Variants in DAB1 observed in about 807,000 individuals in gnomAD.
DAB1 encodes the protein DAB adaptor protein 1, also known as disabled homolog 1.
In DAB1, 15 loss-of-function variants were observed where a neutral mutation model predicts 64.6. The observed-to-expected ratio is 0.23, with a 90% CI of 0.16 to 0.36. The LOEUF (loss-of-function observed/expected upper bound fraction) is 0.36, where lower values mean the gene tolerates loss of function less well. Ranked by LOEUF, DAB1 falls within the 10% of genes least tolerant of loss-of-function variation. The pLI, the probability that DAB1 is intolerant of heterozygous loss-of-function variation, is 1.00. For synonymous variants in DAB1, 235 were observed against 251.9 expected (o/e 0.93, Z 0.64); for missense variants, 596 against 706.7 (o/e 0.84, Z 1.78).
intron 1 of DAB1, among the ~76,000 whole-genome samples, chr1:57,385,541 C>A (rs1288493716): frequency 6.6e-6 from 1 of 152,126 alleles, no homozygotes; most frequent in Non-Finnish European, 1.5e-5. Flanking sequence ...TGAGACATAG[C>A]CCCTGCCTTG....
chr1:56,996,490 A>G lies in DAB1; in HGVS notation c.*1654T>C, dbSNP rs926979519. 6.6e-6 allele frequency: 1 copy of G among 152,202 alleles called. No homozygotes were observed. Among genetic ancestry groups the G allele is most frequent in the Admixed American group, 6.6e-5 (1 of 15,262 alleles). 9.4% of individuals were successfully genotyped at this position (152,202 alleles called of 1,614,324 possible). A position where few individuals can be genotyped will look rare whatever the true frequency, so the allele number is the denominator to read the frequency against. On this transcript the variant is annotated 3_prime_UTR_variant, in exon 15 of 15. Coordinates refer to ENST00000371236, the MANE Select transcript of DAB1 (RefSeq NM_001365792.1). ...ACTGCACTTTTTGTCTCATAAGTGT[A>G]AAAAAAGGAAGCTTAGCCTCTTCTG...
At chr1:58,281,571 T>G (rs886434458) in intron 4 of DAB1, among the ~76,000 whole-genome samples, 1 of 150,586 alleles carries the variant, frequency 6.6e-6, no homozygotes, top group Admixed American at 6.6e-5. Context: ...AGCAAGAGTG[T>G]TTTTTTTTCT....
intron 3 of DAB1, among the ~76,000 whole-genome samples, chr1:58,505,627 A>C (rs988829273): frequency 1.3e-5 from 2 of 152,214 alleles, no homozygotes; most frequent in African/African-American, 4.8e-5. Context: ...CTAAAAAAAC[A>C]AATTCCAGTA....
chr1:57,959,409 T>A (rs1645465251), intron 5 of DAB1, among the ~76,000 whole-genome samples: 2 of 152,196 alleles, frequency 1.3e-5, no homozygotes, highest in African/African-American at 2.4e-5. Flanking sequence ...AAAAGTATTC[T>A]ACAAAAAGCA....
rs146887102 is a variant in DAB1 at position 57,524,848 on chromosome 1, G to A, written n.625+124744C>T. Among the ~76,000 whole-genome samples the A allele has an allele frequency of 3.3e-4, 50 of 152,090 alleles. No individual in the cohort carries two copies. The South Asian group carries it at 6.7e-3, about 20-fold the overall frequency. ...GCCACGGCTTGGCTTGGGCTCAGAG[G>A]CCTGACAAAAACAAAATAAACAAAC... On this transcript the variant is annotated intron_variant and non_coding_transcript_variant, in intron 7 of 20. Coordinates refer to the DAB1 transcript ENST00000485760.
intron 6 of DAB1, among the ~76,000 whole-genome samples, chr1:57,769,424 C>T (rs1340073842): frequency 6.6e-6 from 1 of 152,160 alleles, no homozygotes; most frequent in East Asian, 1.9e-4. Flanking sequence ...ATCCCTCTCT[C>T]AACAGCTGCT....
intron 5 of DAB1, among the ~76,000 whole-genome samples, chr1:57,998,856 G>GAGTTT (rs1273026817): frequency 6.6e-6 from 1 of 152,160 alleles, no homozygotes; most frequent in East Asian, 1.9e-4. Flanking sequence ...ATTAGTAACA[G>GAGTTT]AGTTTGCACT....
chr1:58,266,312 G>A (rs1661162189), intron 4 of DAB1, among the ~76,000 whole-genome samples: 1 of 152,094 alleles, frequency 6.6e-6, no homozygotes, highest in Non-Finnish European at 1.5e-5. Context: ...AAGAGGGTAG[G>A]GAAGGATTCT....
In DAB1 at chr1:57,553,460, G is replaced by GAAAGAA. The variant is rs1553193783; in HGVS notation, n.625+96131_625+96132insTTCTTT. 3.2e-5 allele frequency among the ~76,000 whole-genome samples: 3 copies of GAAAGAA among 92,930 alleles called. No homozygotes were observed. In the East Asian group the frequency reaches 1.0e-3, roughly 31 times the overall value. The allele number at this position is 92,930 out of a possible 152,430, so 61.0% of individuals were successfully genotyped here. A position where few individuals can be genotyped will look rare whatever the true frequency, so the allele number is the denominator to read the frequency against. ...AAAGAAAGAGAAAGAAAGAAAGAAA[G>GAAAGAA]AGAAAGGGAAAGAAAGGAAGGAAGG... On this transcript the variant is annotated intron_variant and non_coding_transcript_variant, in intron 7 of 20. Transcript: ENST00000485760.
At chr1:58,335,831 A>C (rs1360973268) in intron 4 of DAB1, among the ~76,000 whole-genome samples, 5 of 152,150 alleles carry the variant, frequency 3.3e-5, no homozygotes, top group African/African-American at 1.2e-4. Context: ...AATTTAGTAG[A>C]TACGATCCAG....
chr1:58,122,992 C>A (rs1018822457), intron 5 of DAB1, among the ~76,000 whole-genome samples: 1 of 152,024 alleles, frequency 6.6e-6, no homozygotes, highest in Non-Finnish European at 1.5e-5. Context: ...GTGAGAAAGT[C>A]CTGAAATCTA....
chr1:57,672,086 A>C (rs1646516578), intron 6 of DAB1, among the ~76,000 whole-genome samples: 1 of 152,054 alleles, frequency 6.6e-6, no homozygotes, highest in Non-Finnish European at 1.5e-5. Flanking sequence ...TAACTTCCCC[A>C]TTTTACAGAT....
intron 4 of DAB1, among the ~76,000 whole-genome samples, chr1:57,085,083 C>T (rs1652939514): frequency 6.6e-6 from 1 of 152,160 alleles, no homozygotes; most frequent in Non-Finnish European, 1.5e-5. Flanking sequence ...AAAATTGATG[C>T]AGATTAATAA....
intron 5 of DAB1, among the ~76,000 whole-genome samples, chr1:57,908,194 G>T (rs1191617046): frequency 3.9e-5 from 6 of 151,956 alleles, no homozygotes. Flanking sequence ...CCTCCTACCA[G>T]CCCAGGGCCC....
At chr1:57,826,942 C>G (rs1652375613) in intron 1 of DAB1, among the ~76,000 whole-genome samples, 1 of 152,146 alleles carries the variant, frequency 6.6e-6, no homozygotes, top group South Asian at 2.1e-4. Flanking sequence ...AATAATCATT[C>G]TACAAAAGAA....
At chr1:57,886,971 C>A (rs1202827), upstream of DAB1, among the ~76,000 whole-genome samples, 94,291 of 152,056 alleles carry the variant, frequency 0.62, 29,457 homozygotes, top group African/African-American at 0.67. Context: ...ATTACTTAAA[C>A]ACATGCAGAA....
At chr1:57,574,071 G>A (rs532812290) in intron 7 of DAB1, among the ~76,000 whole-genome samples, 1 of 152,168 alleles carries the variant, frequency 6.6e-6, no homozygotes, top group African/African-American at 2.4e-5. Context: ...AACCAGATAT[G>A]CCAGAAGTCC....
At chr1:57,406,505 A>G (rs1245741613) in intron 1 of DAB1, among the ~76,000 whole-genome samples, 1 of 152,198 alleles carries the variant, frequency 6.6e-6, no homozygotes, top group African/African-American at 2.4e-5. Context: ...GCAGCTCAAT[A>G]AATACTGAAT....
chr1:57,849,880 A>C (rs1653442124), intron 1 of DAB1, among the ~76,000 whole-genome samples: 1 of 152,210 alleles, frequency 6.6e-6, no homozygotes, highest in Admixed American at 6.5e-5. Context: ...AGCATAATTC[A>C]AGTTTTGTAT....
Sources: allele counts gnomAD v4.1 joint callset (sites outside exome capture counted in the v4.1 genomes callset), GRCh38; gene constraint gnomAD v4.1.1; transcripts MANE v1.5; gene names NCBI Gene and HGNC (gene_info 2026-07-23, HGNC 2026-07-21).